QKI: variants seen among roughly 807,000 people sequenced by gnomAD.
The protein encoded by QKI is KH domain-containing RNA-binding protein QKI.
QKI carries 10 observed loss-of-function variants against 39.0 expected under a neutral mutation model. The observed-to-expected ratio is 0.26, with a 90% CI of 0.16 to 0.43. The LOEUF (loss-of-function observed/expected upper bound fraction) is 0.43, where lower values mean the gene tolerates loss of function less well. Ranked by LOEUF, QKI falls within the 20% of genes least tolerant of loss-of-function variation. The pLI, the probability that QKI is intolerant of heterozygous loss-of-function variation, is 1.00. For synonymous variants in QKI, 204 were observed against 155.4 expected (o/e 1.31, Z -2.33); for missense variants, 218 against 428.0 (o/e 0.51, Z 4.33).
At chr6:163,488,602 A>T (rs1777833034) in intron 3 of QKI, among the ~76,000 whole-genome samples, 1 of 152,202 alleles carries the variant, frequency 6.6e-6, no homozygotes, top group Non-Finnish European at 1.5e-5. Flanking sequence ...GAATAACTAT[A>T]ACCACTACTA....
chr6:163,557,675 G>T (rs550419550), intron 4 of QKI, among the ~76,000 whole-genome samples: 19 of 152,092 alleles, frequency 1.2e-4, no homozygotes, highest in Non-Finnish European at 2.5e-4. Flanking sequence ...TAATTGGATT[G>T]TTTATAATAC....
At chr6:163,534,160 T>C (rs1410707831) in intron 3 of QKI, among the ~76,000 whole-genome samples, 1 of 152,152 alleles carries the variant, frequency 6.6e-6, no homozygotes, top group Non-Finnish European at 1.5e-5. Flanking sequence ...TTATGCCAAC[T>C]CTACTTAACC....
At chr6:163,470,132 G>A (rs764203815) in intron 2 of QKI, among the ~76,000 whole-genome samples, 2 of 152,152 alleles carry the variant, frequency 1.3e-5, no homozygotes, top group African/African-American at 2.4e-5. Context: ...GGATATAACC[G>A]TGTTTTGGGG....
At chr6:163,455,253 A>G in intron 1 of QKI, 26 bp from the exon 2 acceptor site, 3 of 1,585,638 alleles carry the variant, frequency 1.9e-6, no homozygotes, top group African/African-American at 1.4e-5. Context: ...TTTGTCTAAC[A>G]CATTTAAAAT....
chr6:163,428,431 TTAAAATAAA>T, intron 1 of QKI, among the ~76,000 whole-genome samples: 1 of 152,322 alleles, frequency 6.6e-6, no homozygotes, highest in South Asian at 2.1e-4. Context: ...TTTCTGTTTA[TTAAAATAAA>T]TCAGAAGAAA....
chr6:163,498,737 G>C (rs1778565506), intron 3 of QKI, among the ~76,000 whole-genome samples: 1 of 152,018 alleles, frequency 6.6e-6, no homozygotes, highest in Non-Finnish European at 1.5e-5. Flanking sequence ...CTAGATATTT[G>C]ACAGGTTTGT....
chr6:163,525,634 A>C (rs945965144), intron 3 of QKI, among the ~76,000 whole-genome samples: 1 of 151,880 alleles, frequency 6.6e-6, no homozygotes, highest in Non-Finnish European at 1.5e-5. Context: ...CAAAGTGCTG[A>C]GATTACAGGC....
At chr6:163,505,985 C>T (rs1201601181) in intron 3 of QKI, among the ~76,000 whole-genome samples, 1 of 151,988 alleles carries the variant, frequency 6.6e-6, no homozygotes, top group Non-Finnish European at 1.5e-5. Context: ...GGTGGTTTTC[C>T]CCATGCTGTT....
At chr6:163,541,010 CTTTA>C (rs1781470772) in intron 4 of QKI, among the ~76,000 whole-genome samples, 1 of 151,342 alleles carries the variant, frequency 6.6e-6, no homozygotes, top group Non-Finnish European at 1.5e-5. Context: ...GCTTTTACAT[CTTTA>C]TTCTACTAAG....
intron 1 of QKI, among the ~76,000 whole-genome samples, chr6:163,426,685 C>G (rs1788430128): frequency 6.6e-6 from 1 of 152,118 alleles, no homozygotes; most frequent in African/African-American, 2.4e-5. Flanking sequence ...ACTTGGCATC[C>G]TTTGAAAGGT....
At chr6:163,547,780 A>G (rs1781979945) in intron 4 of QKI, among the ~76,000 whole-genome samples, 1 of 151,830 alleles carries the variant, frequency 6.6e-6, no homozygotes, top group Admixed American at 6.6e-5. Context: ...TCTTTTCTCC[A>G]TCTCCACAGA....
chr6:163,504,919 A>G (rs571224913), intron 3 of QKI, among the ~76,000 whole-genome samples: 68 of 152,198 alleles, frequency 4.5e-4, no homozygotes, highest in Non-Finnish European at 8.7e-4. Flanking sequence ...CAAGCATACT[A>G]TTAAACCCAT....
intron 2 of QKI, among the ~76,000 whole-genome samples, chr6:163,458,103 C>G (rs991081939): frequency 1.4e-4 from 22 of 152,068 alleles, no homozygotes; most frequent in Admixed American, 1.4e-3. Context: ...AGAGTTAGCA[C>G]AGGGGCAGTG....
At chr6:163,455,516 A>C (rs1790850685) in intron 2 of QKI, 95 bp downstream of exon 2, 3 of 1,262,876 alleles carry the variant, frequency 2.4e-6, no homozygotes, top group Non-Finnish European at 3.3e-6. Flanking sequence ...ATTATTAGCC[A>C]CTTTAAAAAA....
rs564154244 is a variant in QKI at position 163,571,817 on chromosome 6, T to C, written c.*1107T>C. On this transcript the variant is annotated 3_prime_UTR_variant, in exon 8 of 8. Transcript: ENST00000361752. ...AAAGACCAAAAGAGCCTTTTTGTCT[T>C]TCTTTTTTATTTTTTAAGTATTGGA... 2.6e-5 allele frequency: 4 copies of C among 152,286 alleles called. No homozygotes were observed. The East Asian group carries it at 7.7e-4, about 29-fold the overall frequency. The allele number at this position is 152,286 out of a possible 1,614,324, so 9.4% of individuals were successfully genotyped here. A position where few individuals can be genotyped will look rare whatever the true frequency, so the allele number is the denominator to read the frequency against.
At chr6:163,566,510 G>A in intron 6 of QKI, 1 of 1,387,028 alleles carries the variant, frequency 7.2e-7, no homozygotes. Flanking sequence ...ATAGGTTAAG[G>A]CCCAAGATGT....
At chr6:163,417,234 G>A (rs1388618202) in intron 1 of QKI, among the ~76,000 whole-genome samples, 1 of 152,032 alleles carries the variant, frequency 6.6e-6, no homozygotes, top group Non-Finnish European at 1.5e-5. Flanking sequence ...AGTAGTATTA[G>A]TAACAATTTC....
At chr6:163,417,829 A>C (rs890963480) in intron 1 of QKI, among the ~76,000 whole-genome samples, 5 of 152,184 alleles carry the variant, frequency 3.3e-5, no homozygotes, top group Admixed American at 3.3e-4. Flanking sequence ...TATAATGACG[A>C]GGAAGTTTGA....
intron 3 of QKI, among the ~76,000 whole-genome samples, chr6:163,526,103 C>T (rs1351812414): frequency 6.6e-6 from 1 of 152,082 alleles, no homozygotes; most frequent in Non-Finnish European, 1.5e-5. Flanking sequence ...TTTTAGGAAT[C>T]ATACATACCA....
Sources: gnomAD v4.1 joint callset for allele counts (sites outside exome capture counted in the v4.1 genomes callset) on GRCh38, gnomAD v4.1.1 for gene constraint, MANE v1.5 for transcripts, NCBI Gene and HGNC (gene_info 2026-07-23, HGNC 2026-07-21) for gene names.